The following ST6GALNAC6 variants were observed in gnomAD, a reference collection of about 807,000 sequenced individuals.
ST6GALNAC6 encodes the protein alpha-N-acetylgalactosaminide alpha-2,6-sialyltransferase 6.
ST6GALNAC6 carries 19 observed loss-of-function variants against 34.3 expected under a neutral mutation model. The observed-to-expected ratio is 0.55, with a 90% confidence interval of 0.39 to 0.81. The LOEUF (loss-of-function observed/expected upper bound fraction) is 0.81. ST6GALNAC6 is among the 40% of genes least tolerant of loss of function. The pLI is 0.00. For synonymous variants in ST6GALNAC6, 185 were observed against 182.1 expected (o/e 1.02, Z -0.13); for missense variants, 377 against 467.7 (o/e 0.81, Z 1.79).
chr9:127,902,243 C>A (rs563634297), upstream of ST6GALNAC6, among the ~76,000 whole-genome samples: 1 of 152,278 alleles, frequency 6.6e-6, no homozygotes, highest in Non-Finnish European at 1.5e-5. Flanking sequence ...ACTGCAAGCT[C>A]CGCCTCCTGG....
upstream of ST6GALNAC6, chr9:127,904,163 G>A (rs561622342): frequency 1.6e-4 from 24 of 152,350 alleles, no homozygotes; most frequent in African/African-American, 5.5e-4. Flanking sequence ...TGGGTACTGC[G>A]GTTAACCCAC....
chr9:127,886,648 G>A lies in ST6GALNAC6; in HGVS notation c.953C>T (p.Ser318Leu), dbSNP rs1452999443. Residue 318 changes from serine (S) to leucine (L), a missense_variant, in exon 7 of 7, where the codon TCG becomes TTG. Ser to Leu is a moderately radical substitution (Grantham distance 145). Transcript: ENST00000373146. ...RFITEKRVFS[S>L]WAQLYGITFS... ...GGTGATGCCATACAGCTGGGCCCAC[G>A]ATGAGAAGACCCTTTTCTCGGTGAT... 3 of 1,614,100 alleles carry A rather than the reference G, an allele frequency of 1.9e-6. No homozygotes were observed. Among genetic ancestry groups the A allele is most frequent in the Middle Eastern group, 1.6e-4 (1 of 6,062 alleles).
At chr9:127,887,406 G>T in intron 6 of ST6GALNAC6, 78 bp downstream of exon 6, 1 of 1,270,928 alleles carries the variant, frequency 7.9e-7, no homozygotes, top group South Asian at 1.3e-5. Context: ...TTCAGCCAAG[G>T]TTTCCAGCCC....
intron 2 of ST6GALNAC6, chr9:127,896,916 C>A: frequency 1.0e-6 from 1 of 985,322 alleles, no homozygotes; most frequent in Non-Finnish European, 1.2e-6. Flanking sequence ...TCCACAGCCA[C>A]GGAGATTCAG....
intron 2 of ST6GALNAC6, chr9:127,897,074 A>G (rs1830504879): frequency 1.2e-6 from 1 of 869,382 alleles, no homozygotes; most frequent in Non-Finnish European, 1.4e-6. Context: ...CTGTAATCAC[A>G]GTCTCAGGGG....
chr9:127,905,139 G>C, intron 1 of ST6GALNAC6: 4 of 873,934 alleles, frequency 4.6e-6, no homozygotes, highest in Non-Finnish European at 5.5e-6. Context: ...GGAAAACAGA[G>C]GCCCAAAGAG....
upstream of ST6GALNAC6, among the ~76,000 whole-genome samples, chr9:127,901,453 G>A (rs115499478): frequency 0.012 from 1,853 of 151,950 alleles, 19 homozygotes; most frequent in South Asian, 0.026. Flanking sequence ...TTAGCCAGGC[G>A]TGGTGGCACA....
chr9:127,886,678 C>G lies in ST6GALNAC6; in HGVS notation c.923G>C (p.Arg308Pro). ...NEHSRKGNHH[R>P]FITEKRVFSS... ...GAAGACCCTTTTCTCGGTGATGAAG[C>G]GGTGGTGGTTGCCCTTGCGACTGTG... Residue 308 changes from arginine to proline, a missense_variant, in exon 7 of 7, where the codon CGC (arginine) becomes CCC (proline). Coordinates refer to ENST00000373146, the MANE Select transcript of ST6GALNAC6 (RefSeq NM_013443.5). The G allele has an allele frequency of 6.2e-7, 1 of 1,614,098 alleles. No homozygotes were observed. Among genetic ancestry groups the G allele is most frequent in the Non-Finnish European group, 8.5e-7 (1 of 1,180,016 alleles).
chr9:127,891,172 T>C (rs1830112308), intron 4 of ST6GALNAC6, 129 bp from the exon 5 acceptor site: 3 of 1,172,812 alleles, frequency 2.6e-6, no homozygotes, highest in Non-Finnish European at 3.5e-6. Context: ...GCCCATTCAT[T>C]CCACATTCAG....
chr9:127,888,757 G>T (rs1829951797), intron 5 of ST6GALNAC6, among the ~76,000 whole-genome samples: 1 of 152,118 alleles, frequency 6.6e-6, no homozygotes, highest in Admixed American at 6.6e-5. Flanking sequence ...AGTGAGCTGA[G>T]ATTGTGCCAC....
Position 127,894,538 on chromosome 9 carries a change from C to T in ST6GALNAC6, c.271G>A (p.Gly91Ser), listed in dbSNP as rs147533033. The T allele has an allele frequency of 4.2e-5, 68 of 1,613,936 alleles. No individual in the cohort carries two copies. The African/African-American group carries it at 7.3e-4, about 17-fold the overall frequency. Residue 91 changes from glycine to serine, a missense_variant, in exon 4 of 7, where the codon GGC becomes AGC. By Grantham distance (56) the Gly-to-Ser change is moderately conservative (BLOSUM62 0). Transcript: ENST00000373146. ...TTGTTGCCGAGAATGGGGACATAGC[C>T]GTCAGTGATGCTCCACTTCTTGAGG... ...VNLKKWSITD[G>S]YVPILGNKTL...
rs978098706 is a variant in ST6GALNAC6 at position 127,885,457 on chromosome 9, C to G, written c.*1142G>C. The G allele has an allele frequency of 6.5e-6, 1 of 152,762 alleles. No homozygotes were observed. Among genetic ancestry groups the G allele is most frequent in the Non-Finnish European group, 1.5e-5 (1 of 68,482 alleles). 9.5% of individuals were successfully genotyped at this position (152,762 alleles called of 1,614,324 possible). On this transcript the variant is annotated 3_prime_UTR_variant, in exon 7 of 7. Transcript: ENST00000373146. ...CATCTGGTCCCTCCAGCCTCACAGC[C>G]TCCTCCTGAAGCCCTTTCCTTCCAG...
intron 2 of ST6GALNAC6, 181 bp downstream of exon 2, chr9:127,897,769 ACTACGC>A (rs1400516468): frequency 1.4e-6 from 2 of 1,410,830 alleles, no homozygotes; most frequent in African/African-American, 2.9e-5. Flanking sequence ...CCTATATCTT[ACTACGC>A]GTGGCCACCC....
At chr9:127,900,560 C>CAAAAAA (rs71380101), upstream of ST6GALNAC6, among the ~76,000 whole-genome samples, 17 of 44,184 alleles carry the variant, frequency 3.8e-4, 1 homozygote, top group South Asian at 1.7e-3. Context: ...AACTCCGTCT[C>CAAAAAA]AAAAAAAAAA....
chr9:127,886,407 A>T lies in ST6GALNAC6; in HGVS notation c.*192T>A. 2 of 1,432,252 alleles carry T rather than the reference A, an allele frequency of 1.4e-6. No individual in the cohort carries two copies. The highest frequency in any genetic ancestry group is 1.8e-6 in the Non-Finnish European group (2 of 1,094,690). 88.7% of individuals were successfully genotyped at this position (1,432,252 alleles called of 1,614,324 possible). A position where few individuals can be genotyped will look rare whatever the true frequency, so the allele number is the denominator to read the frequency against. ...AAGACACCCCTGATTAACCGCATAG[A>T]CTCCCAAATCCCTGATTCGCCAACA... On this transcript the variant is annotated 3_prime_UTR_variant, in exon 7 of 7. Coordinates refer to ENST00000373146, the MANE Select transcript of ST6GALNAC6 (RefSeq NM_013443.5).
chr9:127,890,981 G>A lies in ST6GALNAC6; in HGVS notation c.360C>T (p.Thr120=), dbSNP rs1176965492. Residue 120 remains threonine (T), a synonymous_variant, in exon 5 of 7, where the codon ACC becomes ACT. Coordinates refer to ENST00000373146, the MANE Select transcript of ST6GALNAC6 (RefSeq NM_013443.5). This position sits in a 1 kb window ranked among gnomAD's most constrained non-coding sequence, Gnocchi z 4.3. ...CCCGCTCGATCTCAGGGCCCAGCTTGGTGCCCAGCAGGTGGCTGGAGCTGC... is the reference window on the plus strand; with the variant it reads ...CCCGCTCGATCTCAGGGCCCAGCTTAGTGCCCAGCAGGTGGCTGGAGCTGC... ...IVSSSSHLLG[T]KLGPEIERAE... is the part of the protein sequence containing the mutation. The A allele has an allele frequency of 1.9e-6, 3 of 1,614,034 alleles. No individual in the cohort carries two copies. Among genetic ancestry groups the A allele is most frequent in the African/African-American group, 1.3e-5 (1 of 74,924 alleles).
At chr9:127,891,571 G>A (rs762768920) in intron 4 of ST6GALNAC6, among the ~76,000 whole-genome samples, 1 of 151,182 alleles carries the variant, frequency 6.6e-6, no homozygotes, top group South Asian at 2.1e-4. Flanking sequence ...AACCTAGATC[G>A]TGCCACTGCA....
chr9:127,898,758 C>T (rs2131579650), intron 1 of ST6GALNAC6, among the ~76,000 whole-genome samples: 1 of 152,386 alleles, frequency 6.6e-6, no homozygotes, highest in East Asian at 1.9e-4. Context: ...CAGGGCTGAG[C>T]CTGACTTCGT....
chr9:127,902,716 G>C (rs1016260056), upstream of ST6GALNAC6, among the ~76,000 whole-genome samples: 6 of 150,842 alleles, frequency 4.0e-5, no homozygotes, highest in Non-Finnish European at 7.4e-5. Flanking sequence ...AGCCTCCTGA[G>C]TAGCTGGGAC....
Sources: gnomAD v4.1 joint callset for allele counts (sites outside exome capture counted in the v4.1 genomes callset) on GRCh38, gnomAD v4.1.1 for gene constraint, Gnocchi (gnomAD v3.1) non-coding constraint, MANE v1.5 for transcripts, NCBI Gene and HGNC (gene_info 2026-07-23, HGNC 2026-07-21) for gene names.